The following DOCK4 variants were observed in gnomAD, a reference collection of about 807,000 sequenced individuals.
The protein encoded by DOCK4 is dedicator of cytokinesis 4.
A neutral mutation model predicts 268.1 loss-of-function variants in DOCK4; 97 were observed. The observed-to-expected ratio is 0.36, with a 90% CI of 0.31 to 0.43. The LOEUF (loss-of-function observed/expected upper bound fraction) is 0.43, where lower values mean the gene tolerates loss of function less well. Ranked by LOEUF, DOCK4 falls within the 20% of genes least tolerant of loss-of-function variation. The probability of loss-of-function intolerance (pLI) is 1.00; values close to 1 mark genes in which losing one functional copy is unlikely to be tolerated. For synonymous variants in DOCK4, 954 were observed against 887.2 expected, an observed-to-expected ratio of 1.08 and a Z score of -1.34; for missense variants, 2,145 against 2,455.7, an observed-to-expected ratio of 0.87 and a Z score of 2.67.
intron 6 of DOCK4, among the ~76,000 whole-genome samples, chr7:111,984,980 T>A (rs1049051732): frequency 6.6e-6 from 1 of 152,156 alleles, no homozygotes; most frequent in African/African-American, 2.4e-5. Context: ...GCTGGCAGAA[T>A]AGTTTAACCC....
chr7:111,762,076 A>G (rs909846588), intron 39 of DOCK4, among the ~76,000 whole-genome samples: 3 of 152,166 alleles, frequency 2.0e-5, no homozygotes, highest in Non-Finnish European at 2.9e-5. Flanking sequence ...ATTTGCTCTA[A>G]GAATACAGGC....
At chr7:112,131,519 C>G (rs1813795982) in intron 1 of DOCK4, among the ~76,000 whole-genome samples, 1 of 152,092 alleles carries the variant, frequency 6.6e-6, no homozygotes, top group African/African-American at 2.4e-5. Flanking sequence ...CCTCATATCC[C>G]CAGCCCCAAA....
chr7:112,186,439 T>C (rs1401277034), intron 1 of DOCK4, among the ~76,000 whole-genome samples: 1 of 152,172 alleles, frequency 6.6e-6, no homozygotes, highest in African/African-American at 2.4e-5. Flanking sequence ...ACATTTCTGT[T>C]CCTAAATTTC....
chr7:112,012,586 A>G (rs1442931657), intron 1 of DOCK4, among the ~76,000 whole-genome samples: 3 of 152,362 alleles, frequency 2.0e-5, no homozygotes, highest in Non-Finnish European at 4.4e-5. Context: ...TTTTCCCACA[A>G]TCCAAATGAA....
intron 1 of DOCK4, among the ~76,000 whole-genome samples, chr7:112,033,351 A>G (rs545628211): frequency 2.6e-5 from 4 of 152,312 alleles, no homozygotes; most frequent in Admixed American, 1.3e-4. Context: ...GGATTTTTGA[A>G]TACTCCCAAC....
intron 23 of DOCK4, among the ~76,000 whole-genome samples, chr7:111,857,640 T>A (rs1368621331): frequency 1.3e-5 from 2 of 152,184 alleles, no homozygotes; most frequent in Non-Finnish European, 2.9e-5. Context: ...AATCATCAAG[T>A]ACCAAGCAAT....
intron 3 of DOCK4, 49 bp downstream of exon 3, chr7:112,000,445 A>G (rs765546010): frequency 1.3e-5 from 14 of 1,112,658 alleles, no homozygotes; most frequent in East Asian, 2.7e-5. Context: ...TTAAATAACT[A>G]TCTTTCTTAA....
intron 1 of DOCK4, among the ~76,000 whole-genome samples, chr7:112,010,529 A>G (rs894780678): frequency 2.0e-5 from 3 of 152,176 alleles, no homozygotes; most frequent in South Asian, 2.1e-4. Context: ...ATACTGCTCT[A>G]TGGTTCAAAT....
At chr7:111,933,120 ATATATATACGTATATACAC>A in intron 12 of DOCK4, among the ~76,000 whole-genome samples, 1 of 105,340 alleles carries the variant, frequency 9.5e-6, no homozygotes, top group African/African-American at 3.8e-5. Flanking sequence ...GTATATACAC[ATATATATACGTATATACAC>A]ATATATATAC....
chr7:111,784,944 T>C (rs1267896630), intron 32 of DOCK4, among the ~76,000 whole-genome samples: 3 of 152,174 alleles, frequency 2.0e-5, no homozygotes, highest in Non-Finnish European at 1.5e-5. Context: ...TCTAAGCATA[T>C]CATATATGTA....
intron 10 of DOCK4, among the ~76,000 whole-genome samples, chr7:111,941,763 C>T (rs1795212550): frequency 6.6e-6 from 1 of 152,010 alleles, no homozygotes; most frequent in Non-Finnish European, 1.5e-5. Context: ...TTTAAACAAC[C>T]CCTTCATCTA....
intron 1 of DOCK4, among the ~76,000 whole-genome samples, chr7:112,153,521 T>C (rs1816300649): frequency 6.6e-6 from 1 of 152,182 alleles, no homozygotes; most frequent in African/African-American, 2.4e-5. Flanking sequence ...TGAAATTATA[T>C]TTTAAAAATG....
At chr7:112,004,752 A>G (rs1800715417) in intron 1 of DOCK4, among the ~76,000 whole-genome samples, 1 of 152,198 alleles carries the variant, frequency 6.6e-6, no homozygotes, top group African/African-American at 2.4e-5. Flanking sequence ...GCCCTCCCGC[A>G]GGTCTAAACA....
rs1452351036 is a variant in DOCK4, at chr7:111,755,528, T to G, written c.4403A>C (p.Glu1468Ala). Residue 1468 changes from glutamate to alanine, a missense_variant, in exon 42 of 53, where the codon GAA becomes GCA. By Grantham distance (107) the Glu-to-Ala change is moderately radical. Transcript: ENST00000428084. ...LPGISRWFEV[E>A]KREVVEMSPL... ...TCTGATCCTTACCACTTCACGCTTT[T>G]CCACTTCAAACCAGCGAGAGATGCC... 1.2e-6 allele frequency: 2 copies of G among 1,613,966 alleles called. No homozygotes were observed. The highest frequency in any genetic ancestry group is 2.2e-5 in the East Asian group (1 of 44,882).
chr7:111,741,076 A>C lies in DOCK4; in HGVS notation c.5040+18T>G. 3 of 1,613,272 alleles carry C rather than the reference A, an allele frequency of 1.9e-6. No homozygotes were observed. The highest frequency in any genetic ancestry group is 2.5e-6 in the Non-Finnish European group (3 of 1,179,702). ...AGAAAAGGAATAAACACAACCAGAC[A>C]AAAAGCTAATTAAGTACCTGCATGT... On this transcript the variant is annotated intron_variant, in intron 47 of 52. Coordinates refer to ENST00000428084, the MANE Select transcript of DOCK4 (RefSeq NM_001363540.2).
chr7:111,923,040 A>G (rs2134596518), intron 12 of DOCK4, among the ~76,000 whole-genome samples: 1 of 152,348 alleles, frequency 6.6e-6, no homozygotes, highest in Middle Eastern at 3.4e-3. Flanking sequence ...GGATTCAACC[A>G]GCTGGGTGTC....
intron 1 of DOCK4, among the ~76,000 whole-genome samples, chr7:112,136,496 G>A (rs553296222): frequency 2.0e-4 from 31 of 152,272 alleles, no homozygotes; most frequent in Middle Eastern, 3.4e-3. Context: ...TCACACATGC[G>A]TAACACCTAT....
chr7:111,954,839 G>A (rs996237149), intron 8 of DOCK4, among the ~76,000 whole-genome samples: 11 of 152,134 alleles, frequency 7.2e-5, no homozygotes, highest in African/African-American at 1.9e-4. Context: ...GTGCTCTCAG[G>A]GTTCGAACCG....
intron 1 of DOCK4, among the ~76,000 whole-genome samples, chr7:112,081,806 C>G (rs978155682): frequency 6.6e-6 from 1 of 151,900 alleles, no homozygotes; most frequent in Non-Finnish European, 1.5e-5. Context: ...ATCTGGGGCT[C>G]AAGAATAAAA....
Sources: allele counts gnomAD v4.1 joint callset (sites outside exome capture counted in the v4.1 genomes callset), GRCh38; gene constraint gnomAD v4.1.1; transcripts MANE v1.5; gene names NCBI Gene and HGNC (gene_info 2026-07-23, HGNC 2026-07-21).